Variants in PPP2R2B observed in about 807,000 individuals in gnomAD.
PPP2R2B encodes serine/threonine-protein phosphatase 2A 55 kDa regulatory subunit B beta isoform.
In PPP2R2B, 5 loss-of-function variants were observed where a neutral mutation model predicts 46.0. The ratio of observed to expected loss-of-function variants is 0.11; its 90% CI spans 0.06 to 0.23. The LOEUF is 0.23. Ranked by LOEUF, PPP2R2B falls within the 10% of genes least tolerant of loss-of-function variation. PPP2R2B has a pLI of 1.00. For synonymous variants in PPP2R2B, 215 were observed against 206.7 expected (o/e 1.04, Z -0.34); for missense variants, 367 against 575.0 (o/e 0.64, Z 3.70).
intron 1 of PPP2R2B, among the ~76,000 whole-genome samples, chr5:146,964,824 C>T (rs1326758626): frequency 2.6e-5 from 4 of 152,078 alleles, no homozygotes; most frequent in African/African-American, 4.8e-5. Context: ...CGCACCTGAC[C>T]GGCATCTCCT....
At chr5:146,756,433 C>T (rs13357239) in intron 2 of PPP2R2B, among the ~76,000 whole-genome samples, 3,854 of 152,216 alleles carry the variant, frequency 0.025, 136 homozygotes, top group African/African-American at 0.084. Context: ...GAATACACTA[C>T]GGCAGATGTG....
chr5:146,643,183 CGAGAGAGA>C (rs150316003), intron 6 of PPP2R2B, among the ~76,000 whole-genome samples: 14 of 148,494 alleles, frequency 9.4e-5, no homozygotes, highest in Middle Eastern at 3.5e-3. Context: ...CACACACACA[CGAGAGAGA>C]GAGAGAGAGA....
chr5:147,018,037 GCGCGCGCA>G (rs1213569819), intron 1 of PPP2R2B, among the ~76,000 whole-genome samples: 4,935 of 119,080 alleles, frequency 0.041, 299 homozygotes, highest in African/African-American at 0.16. Flanking sequence ...ACACATGCAT[GCGCGCGCA>G]CACACACACA....
intron 2 of PPP2R2B, among the ~76,000 whole-genome samples, chr5:146,741,102 T>A (rs532902104): frequency 3.9e-5 from 6 of 151,988 alleles, no homozygotes; most frequent in Non-Finnish European, 7.4e-5. Context: ...TCTTTAGGAA[T>A]GGGGATCTAG....
intron 1 of PPP2R2B, among the ~76,000 whole-genome samples, chr5:147,023,493 C>A (rs1755384571): frequency 6.6e-6 from 1 of 152,070 alleles, no homozygotes; most frequent in Middle Eastern, 3.2e-3. Context: ...TAAAAATATA[C>A]ACTTTAAATA....
intron 1 of PPP2R2B, among the ~76,000 whole-genome samples, chr5:146,928,638 T>C (rs1226799533): frequency 6.6e-6 from 1 of 152,152 alleles, no homozygotes; most frequent in Non-Finnish European, 1.5e-5. Context: ...CTGGTTTTAC[T>C]ACTTCTAACT....
chr5:147,025,474 C>A (rs1334083934), intron 1 of PPP2R2B, among the ~76,000 whole-genome samples: 7 of 151,260 alleles, frequency 4.6e-5, no homozygotes, highest in Admixed American at 1.3e-4. Flanking sequence ...AAAAAAAAAA[C>A]CCCGAAATAG....
intron 1 of PPP2R2B, among the ~76,000 whole-genome samples, chr5:146,884,329 C>A (rs1180969363): frequency 6.6e-6 from 1 of 152,102 alleles, no homozygotes; most frequent in Non-Finnish European, 1.5e-5. Context: ...CTGAGGGTTT[C>A]CCATATCCAT....
intron 1 of PPP2R2B, among the ~76,000 whole-genome samples, chr5:147,050,890 T>C (rs148228646): frequency 3.9e-5 from 6 of 152,132 alleles, no homozygotes; most frequent in Admixed American, 6.6e-5. Flanking sequence ...AGATACTTGC[T>C]TTAAGATATG....
intron 2 of PPP2R2B, among the ~76,000 whole-genome samples, chr5:146,824,172 A>T (rs1056035372): frequency 6.6e-6 from 1 of 152,374 alleles, no homozygotes; most frequent in African/African-American, 2.4e-5. Flanking sequence ...AACATAATTT[A>T]CTGAAGAGCA....
chr5:146,703,405 C>T (rs1178286363), intron 2 of PPP2R2B, among the ~76,000 whole-genome samples: 1 of 152,100 alleles, frequency 6.6e-6, no homozygotes. Context: ...CTCAGAGCTA[C>T]GTTCTAAAGT....
At chr5:147,052,082 C>T (rs1482515085) in intron 1 of PPP2R2B, among the ~76,000 whole-genome samples, 1 of 151,892 alleles carries the variant, frequency 6.6e-6, no homozygotes, top group East Asian at 1.9e-4. Flanking sequence ...CTTTGCAAAA[C>T]CCTGATTATG....
At chr5:146,826,951 T>C (rs1051312924) in intron 2 of PPP2R2B, among the ~76,000 whole-genome samples, 3 of 152,228 alleles carry the variant, frequency 2.0e-5, no homozygotes, top group African/African-American at 7.2e-5. Flanking sequence ...CCTTATGTTT[T>C]CAACCTTACT....
intron 2 of PPP2R2B, among the ~76,000 whole-genome samples, chr5:146,855,620 G>A (rs895574741): frequency 5.3e-5 from 8 of 151,934 alleles, no homozygotes; most frequent in Non-Finnish European, 1.2e-4. Flanking sequence ...TTTTATTAAA[G>A]GGAGCTCTTC....
intron 1 of PPP2R2B, among the ~76,000 whole-genome samples, chr5:147,002,741 C>T (rs186536593): frequency 4.9e-4 from 73 of 148,736 alleles, no homozygotes; most frequent in Admixed American, 6.7e-4. Context: ...GGGACCATTG[C>T]GGGTTCTCGG....
At chr5:146,643,276 T>C (rs1329668194) in intron 6 of PPP2R2B, among the ~76,000 whole-genome samples, 1 of 152,122 alleles carries the variant, frequency 6.6e-6, no homozygotes, top group African/African-American at 2.4e-5. Flanking sequence ...AAAGAATCTA[T>C]ACCCTGCCAG....
chr5:146,597,269 C>T (rs1388673040), intron 8 of PPP2R2B, among the ~76,000 whole-genome samples: 1 of 152,118 alleles, frequency 6.6e-6, no homozygotes, highest in Non-Finnish European at 1.5e-5. Context: ...CTCATCTATT[C>T]AATGTGTTTT....
chr5:146,722,407 G>C (rs1780861673), intron 2 of PPP2R2B, among the ~76,000 whole-genome samples: 1 of 152,152 alleles, frequency 6.6e-6, no homozygotes, highest in Non-Finnish European at 1.5e-5. Context: ...TCTGCTTACT[G>C]AGTTATCTGC....
intron 2 of PPP2R2B, among the ~76,000 whole-genome samples, chr5:146,797,579 T>C (rs528770841): frequency 6.6e-6 from 1 of 152,302 alleles, no homozygotes; most frequent in East Asian, 1.9e-4. Flanking sequence ...TATAACAAGG[T>C]ATATTTGTAA....
Sources: gnomAD v4.1 joint callset for allele counts (sites outside exome capture counted in the v4.1 genomes callset) on GRCh38, gnomAD v4.1.1 for gene constraint, MANE v1.5 for transcripts, NCBI Gene and HGNC (gene_info 2026-07-23, HGNC 2026-07-21) for gene names.